Variants in FHOD3 observed in about 807,000 individuals in gnomAD.
The protein encoded by FHOD3 is FH1/FH2 domain-containing protein 3.
A neutral mutation model predicts 173.0 loss-of-function variants in FHOD3; 90 were observed. That is an observed-to-expected ratio of 0.52 (90% CI 0.44 to 0.62). FHOD3 has a LOEUF of 0.62. FHOD3 is among the 20% of genes least tolerant of loss of function. The pLI, the probability that FHOD3 is intolerant of heterozygous loss-of-function variation, is 0.00. For missense variants in FHOD3, 1,945 were observed against 2,034.7 expected (o/e 0.96, Z 0.85); for synonymous variants, 828 against 823.0 (o/e 1.01, Z -0.10).
At chr18:36,592,461 G>A (rs994314612) in intron 6 of FHOD3, among the ~76,000 whole-genome samples, 1 of 152,236 alleles carries the variant, frequency 6.6e-6, no homozygotes, top group Non-Finnish European at 1.5e-5. Context: ...CATGTGAAGT[G>A]CACTGGGCCG....
At chr18:36,492,209 C>T (rs1346416598) in intron 3 of FHOD3, among the ~76,000 whole-genome samples, 2 of 152,142 alleles carry the variant, frequency 1.3e-5, no homozygotes, top group African/African-American at 2.4e-5. Context: ...CAGTTTCCCT[C>T]TTTGCACAGC....
intron 1 of FHOD3, among the ~76,000 whole-genome samples, chr18:36,332,352 G>A (rs570013595): frequency 2.0e-5 from 3 of 152,318 alleles, no homozygotes; most frequent in Admixed American, 2.0e-4. Flanking sequence ...CTCCTTGCAA[G>A]GCTTCTCTTT....
intron 10 of FHOD3, 31 bp from the exon 11 acceptor site, chr18:36,649,285 G>T (rs1400527557): frequency 6.6e-7 from 1 of 1,508,086 alleles, no homozygotes; most frequent in Admixed American, 2.0e-5. Flanking sequence ...TGTTGTCTGT[G>T]TGCATTTCTC....
chr18:36,538,526 G>T (rs1021247672), intron 5 of FHOD3, among the ~76,000 whole-genome samples: 1 of 152,166 alleles, frequency 6.6e-6, no homozygotes, highest in Admixed American at 6.5e-5. Flanking sequence ...TTAATGCAAG[G>T]ACTCTATACA....
intron 1 of FHOD3, among the ~76,000 whole-genome samples, chr18:36,312,613 C>T (rs1337441685): frequency 2.0e-5 from 3 of 152,196 alleles, no homozygotes; most frequent in Admixed American, 6.5e-5. Context: ...GTCAGAATCA[C>T]GTTCTGTTGA....
Position 36,482,451 on chromosome 18 carries a change from C to T in FHOD3, c.338-19481C>T, listed in dbSNP as rs1458064301. ...GAGAAGCAGGGTGACCACTGCGTGA[C>T]CCCCCCGCCCCGCAAGGCATGATTG... is the stretch of plus-strand genomic sequence containing the variant. On this transcript the variant is annotated intron_variant, in intron 3 of 28. Transcript: ENST00000590592. Among the ~76,000 whole-genome samples, 3 of 43,678 alleles carry T rather than the reference C, an allele frequency of 6.9e-5. No individual in the cohort carries two copies. In the South Asian group the frequency reaches 3.6e-3, roughly 52 times the overall value. 28.7% of individuals were successfully genotyped at this position (43,678 alleles called of 152,430 possible). A position where few individuals can be genotyped will look rare whatever the true frequency, so the allele number is the denominator to read the frequency against.
chr18:36,567,375 C>G (rs2058301230), intron 5 of FHOD3, among the ~76,000 whole-genome samples: 1 of 152,120 alleles, frequency 6.6e-6, no homozygotes, highest in African/African-American at 2.4e-5. Flanking sequence ...GCAAATGGAC[C>G]CTGGGCCCAG....
chr18:36,432,349 G>A (rs2050593948), intron 3 of FHOD3, among the ~76,000 whole-genome samples: 1 of 152,298 alleles, frequency 6.6e-6, no homozygotes, highest in African/African-American at 2.4e-5. Flanking sequence ...GGTGTTTGCT[G>A]TTAAGAAATT....
At chr18:36,653,780 C>A (rs1435040973) in intron 13 of FHOD3, among the ~76,000 whole-genome samples, 1 of 152,158 alleles carries the variant, frequency 6.6e-6, no homozygotes, top group Non-Finnish European at 1.5e-5. Context: ...GTTGATCATT[C>A]TAATGACCAT....
intron 20 of FHOD3, among the ~76,000 whole-genome samples, chr18:36,739,650 A>G (rs1332434875): frequency 6.6e-6 from 1 of 152,192 alleles, no homozygotes; most frequent in African/African-American, 2.4e-5. Flanking sequence ...GATTGCTTTC[A>G]TCAGCATTTT....
At chr18:36,760,844 G>C in intron 27 of FHOD3, 62 bp downstream of exon 27, 1 of 1,489,630 alleles carries the variant, frequency 6.7e-7, no homozygotes, top group Non-Finnish European at 9.0e-7. Context: ...GGGGGGGTCC[G>C]GTCTCCATCG....
At chr18:36,585,076 C>T (rs948897325) in intron 6 of FHOD3, among the ~76,000 whole-genome samples, 32 of 152,280 alleles carry the variant, frequency 2.1e-4, no homozygotes, top group African/African-American at 7.5e-4. Flanking sequence ...TTAATGCCTA[C>T]ATAATATACA....
chr18:36,695,342 C>T (rs1369617949), intron 17 of FHOD3, among the ~76,000 whole-genome samples: 6 of 147,722 alleles, frequency 4.1e-5, no homozygotes, highest in African/African-American at 1.5e-4. Flanking sequence ...AGTGAGACAC[C>T]GTCTCAAAAA....
chr18:36,541,694 C>G (rs908058156), intron 5 of FHOD3, among the ~76,000 whole-genome samples: 1 of 152,100 alleles, frequency 6.6e-6, no homozygotes, highest in Non-Finnish European at 1.5e-5. Flanking sequence ...GTTAGGATAA[C>G]AGGGAGGTTG....
At chr18:36,631,042 G>A (rs1568521031) in intron 10 of FHOD3, among the ~76,000 whole-genome samples, 1 of 152,182 alleles carries the variant, frequency 6.6e-6, no homozygotes, top group Non-Finnish European at 1.5e-5. Context: ...CTGGTTCCAG[G>A]AGCAAAAGAG....
At chr18:36,585,482 T>C (rs367607163) in intron 6 of FHOD3, among the ~76,000 whole-genome samples, 3 of 152,138 alleles carry the variant, frequency 2.0e-5, no homozygotes, top group South Asian at 2.1e-4. Flanking sequence ...TTACTAGTTA[T>C]TGTTTTAGGA....
intron 2 of FHOD3, among the ~76,000 whole-genome samples, chr18:36,356,980 C>T (rs545899713): frequency 6.6e-6 from 1 of 152,118 alleles, no homozygotes; most frequent in Non-Finnish European, 1.5e-5. Context: ...TTTCATCACC[C>T]TCCTCTTCAG....
chr18:36,670,399 A>T (rs1251756668), intron 14 of FHOD3, among the ~76,000 whole-genome samples: 1 of 152,064 alleles, frequency 6.6e-6, no homozygotes, highest in South Asian at 2.1e-4. Flanking sequence ...CACAAAGTTC[A>T]CTGGTGGTCT....
At chr18:36,456,560 A>G (rs1397834549) in intron 3 of FHOD3, among the ~76,000 whole-genome samples, 1 of 152,038 alleles carries the variant, frequency 6.6e-6, no homozygotes, top group Non-Finnish European at 1.5e-5. Context: ...GAAATCATCT[A>G]CCTGTAGTTT....
Sources: gnomAD v4.1 joint callset for allele counts (sites outside exome capture counted in the v4.1 genomes callset) on GRCh38, gnomAD v4.1.1 for gene constraint, MANE v1.5 for transcripts, NCBI Gene and HGNC (gene_info 2026-07-23, HGNC 2026-07-21) for gene names.